CDK6: variants seen among roughly 807,000 people sequenced by gnomAD.
The protein encoded by CDK6 is cyclin-dependent kinase 6.
A neutral mutation model predicts 37.1 loss-of-function variants in CDK6; 6 were observed. The observed-to-expected ratio is 0.16, with a 90% CI of 0.09 to 0.32. CDK6 has a LOEUF of 0.32. Among genes scored for constraint, CDK6 ranks in the 10% least tolerant of loss-of-function variants. The pLI is 1.00. For missense variants in CDK6, 224 were observed against 418.9 expected (o/e 0.53, Z 4.06); for synonymous variants, 160 against 161.3 (o/e 0.99, Z 0.06).
At chr7:92,707,775 T>C (rs1465869501) in intron 4 of CDK6, among the ~76,000 whole-genome samples, 1 of 152,232 alleles carries the variant, frequency 6.6e-6, no homozygotes, top group Non-Finnish European at 1.5e-5. Context: ...AGGTATATAA[T>C]GTTTTAAATT....
intron 4 of CDK6, among the ~76,000 whole-genome samples, chr7:92,718,010 T>C (rs1029611794): frequency 2.0e-5 from 3 of 152,166 alleles, no homozygotes; most frequent in African/African-American, 7.2e-5. Flanking sequence ...TGGGTTTTCA[T>C]GTTTGTTTTG....
At chr7:92,736,118 C>A (rs1798780840) in intron 3 of CDK6, among the ~76,000 whole-genome samples, 1 of 151,990 alleles carries the variant, frequency 6.6e-6, no homozygotes, top group Non-Finnish European at 1.5e-5. Flanking sequence ...TTGCTTTTCA[C>A]ATCTATTTTT....
At chr7:92,625,544 A>AC (rs1244012578) in intron 5 of CDK6, among the ~76,000 whole-genome samples, 2 of 148,278 alleles carry the variant, frequency 1.3e-5, no homozygotes, top group Non-Finnish European at 2.9e-5. Context: ...AAAAAAAACA[A>AC]AACAAAACAA....
intron 4 of CDK6, among the ~76,000 whole-genome samples, chr7:92,707,583 A>G (rs1585416134): frequency 1.3e-5 from 2 of 152,350 alleles, no homozygotes; most frequent in South Asian, 2.1e-4. Flanking sequence ...AAGAAATTCT[A>G]AAACAACATC....
At chr7:92,774,614 A>G in intron 3 of CDK6, 82 bp downstream of exon 3, 1 of 1,271,060 alleles carries the variant, frequency 7.9e-7, no homozygotes. Flanking sequence ...AATTGTGGCA[A>G]TTTTCATAAG....
intron 2 of CDK6, among the ~76,000 whole-genome samples, chr7:92,826,907 A>AGAGTTT: frequency 6.6e-6 from 1 of 152,174 alleles, no homozygotes; most frequent in African/African-American, 2.4e-5. Context: ...TTATTTATGG[A>AGAGTTT]TATAAAATAC....
At chr7:92,807,847 G>A (rs1214914379) in intron 2 of CDK6, among the ~76,000 whole-genome samples, 1 of 152,072 alleles carries the variant, frequency 6.6e-6, no homozygotes, top group Admixed American at 6.6e-5. Flanking sequence ...GCAAGCATAG[G>A]CATCATTCAT....
intron 3 of CDK6, among the ~76,000 whole-genome samples, chr7:92,741,524 T>C (rs1226313053): frequency 6.6e-6 from 1 of 152,188 alleles, no homozygotes; most frequent in South Asian, 2.1e-4. Context: ...GAAAGAGATA[T>C]AGCTACAGTT....
chr7:92,758,421 T>A (rs150331532), intron 3 of CDK6, among the ~76,000 whole-genome samples: 251 of 152,284 alleles, frequency 1.6e-3, no homozygotes, highest in Middle Eastern at 0.01. Context: ...TTTGTCAGGT[T>A]TGTGGAAGGG....
At position 92,836,501 on chromosome 7, in the gene CDK6, C is replaced by A. The variant is rs949153270; in HGVS notation, c.-391G>T. 8 of 152,086 alleles carry A rather than the reference C, an allele frequency of 5.3e-5. No individual in the cohort carries two copies. The highest frequency in any genetic ancestry group is 1.0e-4 in the Non-Finnish European group (7 of 67,960). 9.4% of individuals were successfully genotyped at this position (152,086 alleles called of 1,614,324 possible). On this transcript the variant is annotated 5_prime_UTR_variant, in exon 1 of 8. Coordinates refer to ENST00000424848, the MANE Select transcript of CDK6 (RefSeq NM_001145306.2). ...ACCTGAGGGGCCCAGTCGCGTCGGG[C>A]CTCCCGAGGGGGCTGCGAGTGTCAG...
chr7:92,774,655 T>C, intron 3 of CDK6, 41 bp downstream of exon 3: 6 of 1,533,148 alleles, frequency 3.9e-6, no homozygotes, highest in Admixed American at 2.3e-5. Context: ...CAGACTATAA[T>C]AGTCGACTGC....
intron 2 of CDK6, among the ~76,000 whole-genome samples, chr7:92,832,763 T>C (rs910906171): frequency 6.6e-6 from 1 of 152,190 alleles, no homozygotes; most frequent in African/African-American, 2.4e-5. Context: ...CAGGTTGGCT[T>C]ATCCTGTCCC....
intron 2 of CDK6, among the ~76,000 whole-genome samples, chr7:92,817,099 ATTCTGTTAAATGTT>A (rs1204229704): frequency 6.6e-6 from 1 of 152,012 alleles, no homozygotes; most frequent in East Asian, 1.9e-4. Context: ...TCATTAGTAA[ATTCTGTTAAATGTT>A]TAAGAAAGAA....
intron 3 of CDK6, among the ~76,000 whole-genome samples, chr7:92,753,943 T>C (rs1404848329): frequency 6.6e-6 from 1 of 152,150 alleles, no homozygotes; most frequent in Non-Finnish European, 1.5e-5. Context: ...CATTGTGAGA[T>C]CATAGACAAG....
chr7:92,824,623 T>C (rs957269035), intron 2 of CDK6, among the ~76,000 whole-genome samples: 24 of 152,242 alleles, frequency 1.6e-4, no homozygotes, highest in African/African-American at 5.8e-4. Flanking sequence ...TTTTCAGAAG[T>C]ACCTAGCTCC....
At chr7:92,759,697 C>CAAAAAAAAAAAAAA (rs61188860) in intron 3 of CDK6, among the ~76,000 whole-genome samples, 2 of 74,118 alleles carry the variant, frequency 2.7e-5, no homozygotes, top group African/African-American at 4.5e-5. Context: ...GACTTTAAGG[C>CAAAAAAAAAAAAAA]AAAAAAAAAA....
chr7:92,618,311 G>C (rs1795725842), intron 6 of CDK6, 104 bp from the exon 7 acceptor site: 4 of 1,156,642 alleles, frequency 3.5e-6, no homozygotes, highest in South Asian at 1.4e-5. Flanking sequence ...GACATGGGGG[G>C]CAGAGTCCCA....
chr7:92,684,020 G>C (rs989005230), intron 4 of CDK6, among the ~76,000 whole-genome samples: 1 of 152,182 alleles, frequency 6.6e-6, no homozygotes, highest in African/African-American at 2.4e-5. Context: ...AGGGGGCTAC[G>C]GAAGGAGAGA....
At chr7:92,818,624 G>C (rs1304565508) in intron 2 of CDK6, among the ~76,000 whole-genome samples, 1 of 151,958 alleles carries the variant, frequency 6.6e-6, no homozygotes, top group African/African-American at 2.4e-5. Flanking sequence ...AAAATATTCT[G>C]TTTGACATAA....
Sources: allele counts gnomAD v4.1 joint callset (sites outside exome capture counted in the v4.1 genomes callset), GRCh38; gene constraint gnomAD v4.1.1; transcripts MANE v1.5; gene names NCBI Gene and HGNC (gene_info 2026-07-23, HGNC 2026-07-21).